Variants in HFM1 observed in about 807,000 individuals in gnomAD.
The protein encoded by HFM1 is probable ATP-dependent DNA helicase HFM1.
In HFM1, 169 loss-of-function variants were observed where a neutral mutation model predicts 192.1. That is an observed-to-expected ratio of 0.88 (90% CI 0.78 to 1.00). The LOEUF (loss-of-function observed/expected upper bound fraction) is 1.00, where lower values mean the gene tolerates loss of function less well. HFM1 is among the 50% of genes least tolerant of loss of function. HFM1 has a pLI of 0.00. For missense variants in HFM1, 1,661 were observed against 1,668.0 expected, an observed-to-expected ratio of 1.00 and a Z score of 0.07; for synonymous variants, 525 against 537.8, an observed-to-expected ratio of 0.98 and a Z score of 0.33.
At position 91,319,168 on chromosome 1, in the gene HFM1, C is replaced by A; in HGVS notation, c.2722G>T (p.Val908Leu). 6.2e-7 allele frequency: 1 copy of A among 1,609,494 alleles called. No homozygotes were observed. Among genetic ancestry groups the A allele is most frequent in the Non-Finnish European group, 8.5e-7 (1 of 1,178,666 alleles). ...GCTAAAATCAAACTATTCAATAGTACAGCAAACTTCTTTTCTTGAGCAGCT... is the reference window on the plus strand; with the variant it reads ...GCTAAAATCAAACTATTCAATAGTAAAGCAAACTTCTTTTCTTGAGCAGCT... Reference protein sequence around the residue: ...FVAAQEKKFAVLLNSLILAKC... With the variant: ...FVAAQEKKFALLLNSLILAKC... Residue 908 changes from valine (V) to leucine (L), a missense_variant, in exon 25 of 39, where the codon GTA becomes TTA. Val to Leu is a conservative substitution (Grantham distance 32). Transcript: ENST00000370425.
intron 20 of HFM1, among the ~76,000 whole-genome samples, chr1:91,330,882 A>C (rs1454466023): frequency 6.6e-6 from 1 of 152,222 alleles, no homozygotes; most frequent in Non-Finnish European, 1.5e-5. Context: ...CATCATATCA[A>C]GACAATGAAG....
intron 30 of HFM1, among the ~76,000 whole-genome samples, chr1:91,300,734 AC>A (rs1648611540): frequency 3.9e-5 from 6 of 152,214 alleles, no homozygotes; most frequent in South Asian, 4.2e-4. Flanking sequence ...AAATTCAACA[AC>A]CCTTCATGCT....
At position 91,401,162 on chromosome 1, in the gene HFM1, AT is replaced by A. The variant is rs557617620; in HGVS notation, c.-27-54del. ...ATTTTATTTATAAAGATGTAAAAAAATATTTCTGTATAATCACTAATTTTCC... is the reference window on the plus strand; with the variant it reads ...ATTTTATTTATAAAGATGTAAAAAAAATTTCTGTATAATCACTAATTTTCC... On this transcript the variant is annotated intron_variant, in intron 1 of 38. Transcript: ENST00000370425. The A allele has an allele frequency of 8.3e-4, 637 of 768,500 alleles. 1 individual carries two copies. In the African/African-American group the frequency reaches 1.0e-2, roughly 12 times the overall value. The allele number at this position is 768,500 out of a possible 1,614,324, so 47.6% of individuals were successfully genotyped here.
intron 1 of HFM1, among the ~76,000 whole-genome samples, chr1:91,402,189 T>G (rs1433647430): frequency 6.6e-6 from 1 of 152,164 alleles, no homozygotes; most frequent in Non-Finnish European, 1.5e-5. Context: ...CAAGTCAGAT[T>G]ATGTCTCTCC....
intron 13 of HFM1, among the ~76,000 whole-genome samples, chr1:91,355,193 G>A (rs1211266519): frequency 6.6e-6 from 1 of 152,042 alleles, no homozygotes; most frequent in Non-Finnish European, 1.5e-5. Flanking sequence ...TGTGGTAACT[G>A]CAAAGCAAGA....
At chr1:91,399,097 C>A (rs1664009598) in intron 2 of HFM1, among the ~76,000 whole-genome samples, 1 of 152,172 alleles carries the variant, frequency 6.6e-6, no homozygotes, top group Admixed American at 6.5e-5. Flanking sequence ...TTCATTAATC[C>A]ATTCAGTAAT....
At chr1:91,345,643 A>C (rs1464700846) in intron 19 of HFM1, among the ~76,000 whole-genome samples, 1 of 152,166 alleles carries the variant, frequency 6.6e-6, no homozygotes, top group Non-Finnish European at 1.5e-5. Context: ...AATAAGACTA[A>C]GAGGACTTCA....
chr1:91,289,339 G>A (rs974627569), intron 30 of HFM1, among the ~76,000 whole-genome samples: 41 of 150,174 alleles, frequency 2.7e-4, no homozygotes, highest in African/African-American at 8.8e-4. Context: ...CTTCCTAGAC[G>A]GGATGACGGC....
chr1:91,332,554 C>A (rs908689195), intron 20 of HFM1, among the ~76,000 whole-genome samples: 4 of 152,076 alleles, frequency 2.6e-5, no homozygotes, highest in African/African-American at 7.2e-5. Flanking sequence ...GCAAAAATTT[C>A]TTGAGTAATA....
intron 15 of HFM1, 37 bp from the exon 16 acceptor site, chr1:91,352,688 T>A: frequency 6.7e-7 from 1 of 1,499,698 alleles, no homozygotes; most frequent in Non-Finnish European, 8.9e-7. Context: ...TTGAGCCATT[T>A]AACTTTGTTG....
chr1:91,313,516 A>T (rs779646190), intron 29 of HFM1, 21 bp from the exon 30 acceptor site: 10 of 1,529,832 alleles, frequency 6.5e-6, no homozygotes, highest in East Asian at 2.3e-5. Flanking sequence ...AAAAAAAAGT[A>T]CACAAATGTT....
In HFM1 at chr1:91,395,418, A is replaced by G. The variant is rs542432465; in HGVS notation, c.184+875T>C. 9.2e-5 allele frequency among the ~76,000 whole-genome samples: 14 copies of G among 152,312 alleles called. No individual in the cohort carries two copies. In the South Asian group the frequency reaches 2.7e-3, roughly 29 times the overall value. The stretch of plus-strand genomic sequence containing the variant: ...ATGTATAGAGAAGAAAAATATTTTA[A>G]ATTTTAAGATTTGGTGGGCACTATT... On this transcript the variant is annotated intron_variant, in intron 3 of 38. Coordinates refer to ENST00000370425, the MANE Select transcript of HFM1 (RefSeq NM_001017975.6).
chr1:91,352,750 C>A, intron 15 of HFM1, 99 bp from the exon 16 acceptor site: 1 of 870,568 alleles, frequency 1.1e-6, no homozygotes, highest in East Asian at 2.9e-5. Context: ...AATAAAAACT[C>A]ATACATAAGA....
chr1:91,393,889 G>C (rs1663308868), intron 4 of HFM1, among the ~76,000 whole-genome samples: 1 of 152,086 alleles, frequency 6.6e-6, no homozygotes, highest in Non-Finnish European at 1.5e-5. Context: ...ACCATTTATA[G>C]TAGATAGTTA....
chr1:91,390,125 T>C (rs955586858), intron 4 of HFM1, among the ~76,000 whole-genome samples: 1 of 152,146 alleles, frequency 6.6e-6, no homozygotes, highest in Non-Finnish European at 1.5e-5. Context: ...TTTAATGGAT[T>C]ATTATTTGGC....
chr1:91,266,652 TG>T (rs1665794658), intron 35 of HFM1, among the ~76,000 whole-genome samples: 1 of 152,170 alleles, frequency 6.6e-6, no homozygotes, highest in African/African-American at 2.4e-5. Flanking sequence ...GCTCTATACA[TG>T]GGGGAAAATG....
Position 91,385,809 on chromosome 1 carries a change from G to A in HFM1, c.520C>T (p.His174Tyr). The change falls in exon 5 of 39, where the codon CAT becomes TAT. Residue 174 changes from histidine to tyrosine, a missense_variant. His to Tyr is a moderately conservative substitution (Grantham distance 83). Coordinates refer to ENST00000370425, the MANE Select transcript of HFM1 (RefSeq NM_001017975.6). ...TTGTCATTAGAATAAGCACTCCCATGTATATTGTCAGATATTTTAAATAAT... is the reference window on the plus strand; with the variant it reads ...TTGTCATTAGAATAAGCACTCCCATATATATTGTCAGATATTTTAAATAAT... ...KRLFKISDNI[H>Y]GSAYSNDNEL... 1 of 1,602,794 alleles carries A rather than the reference G, an allele frequency of 6.2e-7. No individual in the cohort carries two copies.
chr1:91,287,111 C>A (rs1310263104), intron 30 of HFM1, among the ~76,000 whole-genome samples: 1 of 152,208 alleles, frequency 6.6e-6, no homozygotes. Context: ...CCCAGGATTG[C>A]TTAGGTAAAC....
chr1:91,312,993 A>C (rs893396969), intron 30 of HFM1, among the ~76,000 whole-genome samples: 2 of 152,050 alleles, frequency 1.3e-5, no homozygotes, highest in Non-Finnish European at 2.9e-5. Context: ...ACCATGCAAG[A>C]TGTGCCCTTC....
Sources: allele counts gnomAD v4.1 joint callset (sites outside exome capture counted in the v4.1 genomes callset), GRCh38; gene constraint gnomAD v4.1.1; transcripts MANE v1.5; gene names NCBI Gene and HGNC (gene_info 2026-07-23, HGNC 2026-07-21).